KCNN2: variants seen among roughly 807,000 people sequenced by gnomAD.
KCNN2 encodes potassium calcium-activated channel subfamily N member 2.
A neutral mutation model predicts 55.5 loss-of-function variants in KCNN2; 24 were observed. The observed-to-expected ratio is 0.43, with a 90% CI of 0.31 to 0.61. The LOEUF is 0.61. Ranked by LOEUF, KCNN2 falls within the 20% of genes least tolerant of loss-of-function variation. The pLI, the probability that KCNN2 is intolerant of heterozygous loss-of-function variation, is 0.08. For missense variants in KCNN2, 754 were observed against 853.6 expected (o/e 0.88, Z 1.45); for synonymous variants, 431 against 336.1 (o/e 1.28, Z -3.09).
At chr5:114,205,579 C>T (rs1753751896) in intron 1 of KCNN2, among the ~76,000 whole-genome samples, 1 of 152,046 alleles carries the variant, frequency 6.6e-6, no homozygotes, top group Non-Finnish European at 1.5e-5. Flanking sequence ...AGAATTAGGA[C>T]AAATGTAAAT....
chr5:114,120,851 G>A (rs1173968844), intron 1 of KCNN2, among the ~76,000 whole-genome samples: 3 of 152,142 alleles, frequency 2.0e-5, no homozygotes, highest in African/African-American at 7.2e-5. Flanking sequence ...TGTAAACTAG[G>A]AGATATATTT....
chr5:114,202,559 ATGTG>A (rs67411021), intron 1 of KCNN2, among the ~76,000 whole-genome samples: 1 of 118,326 alleles, frequency 8.5e-6, no homozygotes, highest in Non-Finnish European at 1.6e-5. Flanking sequence ...CCTAATATAT[ATGTG>A]TGTGTATATA....
chr5:114,476,354 T>A (rs1423587419), intron 5 of KCNN2, among the ~76,000 whole-genome samples: 2 of 152,012 alleles, frequency 1.3e-5, no homozygotes, highest in Non-Finnish European at 2.9e-5. Context: ...CTTTGCAGTA[T>A]TTCTTGAGAC....
intron 1 of KCNN2, among the ~76,000 whole-genome samples, chr5:114,203,824 C>G (rs2112574929): frequency 6.6e-6 from 1 of 152,306 alleles, no homozygotes; most frequent in Middle Eastern, 3.4e-3. Flanking sequence ...ACCCTAGTTA[C>G]ATATAACTCC....
intron 2 of KCNN2, among the ~76,000 whole-genome samples, chr5:114,380,137 C>G (rs1234440976): frequency 2.0e-5 from 3 of 151,936 alleles, no homozygotes; most frequent in Admixed American, 6.6e-5. Flanking sequence ...TTTTCTAATA[C>G]ACAATACAGT....
At chr5:114,219,422 G>A (rs1418298809) in intron 1 of KCNN2, among the ~76,000 whole-genome samples, 1 of 152,138 alleles carries the variant, frequency 6.6e-6, no homozygotes, top group Non-Finnish European at 1.5e-5. Flanking sequence ...GCCAATGAAA[G>A]TGGCTCTCCG....
intron 5 of KCNN2, among the ~76,000 whole-genome samples, chr5:114,480,721 T>C (rs895242112): frequency 1.3e-5 from 2 of 152,174 alleles, no homozygotes; most frequent in Admixed American, 6.5e-5. Context: ...CATATGCAAA[T>C]CAATAAATGT....
intron 1 of KCNN2, among the ~76,000 whole-genome samples, chr5:114,069,603 C>G (rs1750524968): frequency 6.6e-6 from 1 of 152,128 alleles, no homozygotes; most frequent in African/African-American, 2.4e-5. Flanking sequence ...CTATCACCAG[C>G]AATATCTTTT....
At chr5:114,060,696 T>C (rs1225312514) in intron 1 of KCNN2, among the ~76,000 whole-genome samples, 1 of 152,246 alleles carries the variant, frequency 6.6e-6, no homozygotes, top group Admixed American at 6.5e-5. Context: ...AGACTATTTA[T>C]TTATCTGTAA....
intron 1 of KCNN2, among the ~76,000 whole-genome samples, chr5:114,108,083 T>C (rs1751524845): frequency 1.4e-5 from 2 of 147,682 alleles, no homozygotes; most frequent in South Asian, 4.2e-4. Flanking sequence ...TCTCTGTCTC[T>C]ATTTTCTATC....
At position 114,098,609 on chromosome 5, in the gene KCNN2, C is replaced by T. The variant is rs972439612; in HGVS notation, c.-271+42109C>T. 4.0e-5 allele frequency among the ~76,000 whole-genome samples: 6 copies of T among 151,872 alleles called. No homozygotes were observed. The East Asian group carries it at 1.2e-3, about 29-fold the overall frequency. On this transcript the variant is annotated intron_variant, in intron 1 of 10. Coordinates refer to the KCNN2 transcript ENST00000512097. ...CATCCCCACTCCCCCCTGCACAATT[C>T]CCCCAACCATGTCCGTGAAAAAATT...
intron 1 of KCNN2, among the ~76,000 whole-genome samples, chr5:114,218,414 G>T (rs1364907455): frequency 6.6e-6 from 1 of 152,098 alleles, no homozygotes; most frequent in East Asian, 1.9e-4. Context: ...GTACCACAAA[G>T]AAATGAGCTA....
intron 4 of KCNN2, among the ~76,000 whole-genome samples, chr5:114,470,670 A>G (rs1168293042): frequency 7.9e-5 from 12 of 152,320 alleles, no homozygotes; most frequent in Middle Eastern, 3.4e-3. Flanking sequence ...GGCACAAAAT[A>G]TCAAAATAAC....
rs200875456 is a variant in KCNN2, at chr5:114,496,346, C to CT, written c.*173dup. On this transcript the variant is annotated 3_prime_UTR_variant, in exon 8 of 8. Coordinates refer to ENST00000673685, the MANE Select transcript of KCNN2 (RefSeq NM_021614.4). ...TTTTAGGCCAAAATGAGTGAAAACT[C>CT]TTTTTTTTTCTTTCAGATGCACAGG... 1.4e-3 allele frequency: 910 copies of CT among 654,712 alleles called. No individual in the cohort carries two copies. The highest frequency in any genetic ancestry group is 1.9e-3 in the South Asian group (86 of 45,152). 40.6% of individuals were successfully genotyped at this position (654,712 alleles called of 1,614,324 possible).
chr5:114,277,446 C>T (rs1421150904), intron 2 of KCNN2, among the ~76,000 whole-genome samples: 1 of 152,092 alleles, frequency 6.6e-6, no homozygotes, highest in Non-Finnish European at 1.5e-5. Context: ...TAAGTTGGGT[C>T]CATTCTCCCC....
chr5:114,389,966 G>A (rs757958242), intron 2 of KCNN2, among the ~76,000 whole-genome samples: 5 of 152,088 alleles, frequency 3.3e-5, no homozygotes, highest in Non-Finnish European at 5.9e-5. Flanking sequence ...TTAGCTTCAG[G>A]TTTTTCAATA....
intron 1 of KCNN2, among the ~76,000 whole-genome samples, chr5:114,141,469 T>C (rs1752279255): frequency 6.6e-6 from 1 of 152,160 alleles, no homozygotes; most frequent in South Asian, 2.1e-4. Flanking sequence ...ACTCATCCTT[T>C]TTTATGACTG....
chr5:114,312,434 CATATATATATATATATATATATAT>C (rs59964515), intron 2 of KCNN2, among the ~76,000 whole-genome samples: 25 of 23,426 alleles, frequency 1.1e-3, no homozygotes, highest in African/African-American at 3.5e-3. Context: ...CACACACACA[CATATATATATATATATATATATAT>C]ATATATATAT....
chr5:114,494,696 G>A (rs1393450725), intron 7 of KCNN2, among the ~76,000 whole-genome samples: 1 of 151,990 alleles, frequency 6.6e-6, no homozygotes, highest in Non-Finnish European at 1.5e-5. Context: ...CTTTATTAAT[G>A]TACTTATTAT....
Sources: allele counts gnomAD v4.1 joint callset (sites outside exome capture counted in the v4.1 genomes callset), GRCh38; gene constraint gnomAD v4.1.1; transcripts MANE v1.5; gene names NCBI Gene and HGNC (gene_info 2026-07-23, HGNC 2026-07-21).